Variants in EFCAB5 observed in about 807,000 individuals in gnomAD.
The protein encoded by EFCAB5 is EF-hand calcium binding domain 5, also known as EF-hand calcium-binding domain-containing protein 5.
EFCAB5 carries 131 observed loss-of-function variants against 167.9 expected under a neutral mutation model. That is an observed-to-expected ratio of 0.78 (90% CI 0.68 to 0.90). The LOEUF is 0.90. Ranked by LOEUF, EFCAB5 falls within the 40% of genes least tolerant of loss-of-function variation. The pLI is 0.00. For missense variants in EFCAB5, 1,663 were observed against 1,745.2 expected (o/e 0.95, Z 0.84); for synonymous variants, 574 against 602.8 (o/e 0.95, Z 0.70).
intron 3 of EFCAB5, among the ~76,000 whole-genome samples, chr17:29,947,586 A>G (rs1025821745): frequency 6.6e-6 from 1 of 152,178 alleles, no homozygotes; most frequent in Admixed American, 6.5e-5. Context: ...TTTTAAAAGA[A>G]CCAAACTTTC....
intron 1 of EFCAB5, among the ~76,000 whole-genome samples, chr17:29,936,239 A>T (rs764390944): frequency 6.6e-6 from 1 of 151,738 alleles, no homozygotes; most frequent in Non-Finnish European, 1.5e-5. Flanking sequence ...TCTCACTCAT[A>T]GGTGGGAATT....
At chr17:30,019,263 C>G (rs1297861126) in intron 7 of EFCAB5, among the ~76,000 whole-genome samples, 1 of 151,632 alleles carries the variant, frequency 6.6e-6, no homozygotes, top group East Asian at 1.9e-4. Context: ...AAATACCAAG[C>G]TGAAGAGTTT....
At chr17:29,971,245 T>C (rs2067949629) in intron 4 of EFCAB5, among the ~76,000 whole-genome samples, 4 of 152,212 alleles carry the variant, frequency 2.6e-5, no homozygotes. Context: ...TATATTTTTG[T>C]ACCCTGCTAC....
intron 7 of EFCAB5, 112 bp from the exon 8 acceptor site, chr17:30,034,118 T>C (rs747151559): frequency 6.2e-6 from 8 of 1,290,578 alleles, no homozygotes; most frequent in Non-Finnish European, 8.4e-6. Flanking sequence ...GCAAATCATA[T>C]GGAAACATTT....
At chr17:29,994,207 C>G (rs529710253) in intron 5 of EFCAB5, among the ~76,000 whole-genome samples, 71 of 143,618 alleles carry the variant, frequency 4.9e-4, no homozygotes, top group African/African-American at 1.8e-3. Context: ...TGCACACACA[C>G]GCGGTGGGGG....
rs548248369 is a variant in EFCAB5 at position 30,101,340 on chromosome 17, G to A, written c.4322-6494G>A. On this transcript the variant is annotated intron_variant, in intron 22 of 22. Coordinates refer to ENST00000394835, the MANE Select transcript of EFCAB5 (RefSeq NM_198529.4). Reference sequence around the variant, plus strand: ...TGGTCATATTATATATATTTGAGAGGCAGAGCCAAAATATATCTTGACAGT... The same window carrying A: ...TGGTCATATTATATATATTTGAGAGACAGAGCCAAAATATATCTTGACAGT... Among the ~76,000 whole-genome samples, 3 of 152,246 alleles carry A rather than the reference G, an allele frequency of 2.0e-5. No homozygotes were observed. In the South Asian group the frequency reaches 6.2e-4, roughly 32 times the overall value.
intron 8 of EFCAB5, among the ~76,000 whole-genome samples, chr17:30,040,776 T>G (rs1195176340): frequency 6.6e-6 from 1 of 152,214 alleles, no homozygotes; most frequent in African/African-American, 2.4e-5. Flanking sequence ...AAGCCTCCTA[T>G]CAACTATTAG....
chr17:30,068,272 G>A (rs1482321414), intron 14 of EFCAB5, among the ~76,000 whole-genome samples: 1 of 151,544 alleles, frequency 6.6e-6, no homozygotes, highest in South Asian at 2.1e-4. Flanking sequence ...ACTGCACTCC[G>A]GCCTGGGCAA....
rs144415330 is a variant in EFCAB5 at position 29,992,370 on chromosome 17, C to G, written c.768-795C>G. On this transcript the variant is annotated intron_variant, in intron 4 of 22. Transcript: ENST00000394835. The stretch of plus-strand genomic sequence containing the variant: ...TTTATTTATTACTTATTTTTTGAGA[C>G]AGAGTTTCACTCTGTCACCCAGGCT... Among the ~76,000 whole-genome samples the G allele has an allele frequency of 6.1e-3, 934 of 152,218 alleles. 7 individuals are homozygous for G. Among genetic ancestry groups the G allele is most frequent in the African/African-American group, 0.021 (892 of 41,526 alleles).
chr17:29,933,636 A>C (rs747381224), intron 1 of EFCAB5, among the ~76,000 whole-genome samples: 4 of 152,208 alleles, frequency 2.6e-5, no homozygotes, highest in East Asian at 1.9e-4. Flanking sequence ...TGGTTGTACC[A>C]CTGGAGTCCA....
chr17:29,961,363 T>A (rs1025920513), intron 3 of EFCAB5, among the ~76,000 whole-genome samples: 7 of 152,226 alleles, frequency 4.6e-5, no homozygotes, highest in African/African-American at 1.7e-4. Flanking sequence ...ATTAATTCCT[T>A]ATCAGTTATA....
chr17:30,028,107 G>T (rs2069381037), intron 7 of EFCAB5, among the ~76,000 whole-genome samples: 1 of 152,196 alleles, frequency 6.6e-6, no homozygotes, highest in Admixed American at 6.5e-5. Context: ...CCTCTGCCTG[G>T]ATTCTCTTTT....
intron 3 of EFCAB5, among the ~76,000 whole-genome samples, chr17:29,960,368 G>A (rs2067697358): frequency 6.6e-6 from 1 of 152,166 alleles, no homozygotes; most frequent in South Asian, 2.1e-4. Context: ...GTGTTCCTGT[G>A]AGGGGGATGA....
At chr17:30,033,062 G>A (rs2069519523) in intron 7 of EFCAB5, among the ~76,000 whole-genome samples, 3 of 151,958 alleles carry the variant, frequency 2.0e-5, no homozygotes, top group Admixed American at 1.3e-4. Flanking sequence ...GGAAATCATC[G>A]GCTGTGAGCT....
chr17:29,967,866 T>G lies in EFCAB5; in HGVS notation c.191-925T>G, dbSNP rs118190787. Among the ~76,000 whole-genome samples, 119 of 151,526 alleles carry G rather than the reference T, an allele frequency of 7.9e-4. 3 individuals carry two copies. The East Asian group carries it at 0.02, about 25-fold the overall frequency. On this transcript the variant is annotated intron_variant, in intron 3 of 22. Transcript: ENST00000394835. ...ATACATGTGTGGTAGACTCTTTGCT[T>G]ACTCACCACACATTTCCTCACCTTT...
At chr17:30,103,112 G>A (rs1367618827) in intron 22 of EFCAB5, among the ~76,000 whole-genome samples, 10 of 151,870 alleles carry the variant, frequency 6.6e-5, no homozygotes, top group South Asian at 2.1e-4. Flanking sequence ...GATTACATGC[G>A]TGAGCCACTG....
chr17:30,108,179 C>A lies in EFCAB5; in HGVS notation c.*155C>A. On this transcript the variant is annotated 3_prime_UTR_variant, in exon 23 of 23. Coordinates refer to ENST00000394835, the MANE Select transcript of EFCAB5 (RefSeq NM_198529.4). ...TCAGCACTTTCTAAACCCAAAAGTG[C>A]TACCTAAGAAGAAATTTAGCCAAAA... 1.2e-6 allele frequency: 1 copy of A among 834,482 alleles called. No homozygotes were observed. The highest frequency in any genetic ancestry group is 1.7e-6 in the Non-Finnish European group (1 of 581,672). The allele number at this position is 834,482 out of a possible 1,614,324, so 51.7% of individuals were successfully genotyped here.
intron 14 of EFCAB5, chr17:30,073,255 C>A: frequency 1.6e-6 from 1 of 627,312 alleles, no homozygotes; most frequent in South Asian, 1.8e-5. Flanking sequence ...TGGGGTCTCT[C>A]TGTGTTGCCC....
chr17:30,071,232 A>T (rs1384435698), intron 14 of EFCAB5, among the ~76,000 whole-genome samples: 1 of 144,788 alleles, frequency 6.9e-6, no homozygotes, highest in East Asian at 2.0e-4. Context: ...ATATTTTCAA[A>T]CTATTCATCT....
Sources: gnomAD v4.1 joint callset for allele counts (sites outside exome capture counted in the v4.1 genomes callset) on GRCh38, gnomAD v4.1.1 for gene constraint, MANE v1.5 for transcripts, NCBI Gene and HGNC (gene_info 2026-07-23, HGNC 2026-07-21) for gene names.